Variants in RCAN2 observed in about 807,000 individuals in gnomAD.
The protein encoded by RCAN2 is regulator of calcineurin 2.
RCAN2 carries 9 observed loss-of-function variants against 23.6 expected under a neutral mutation model. That is an observed-to-expected ratio of 0.38 (90% confidence interval 0.23 to 0.67). The LOEUF is 0.67. Ranked by LOEUF, RCAN2 falls within the 30% of genes least tolerant of loss-of-function variation. The pLI is 0.51. For missense variants in RCAN2, 273 were observed against 302.3 expected, an observed-to-expected ratio of 0.90 and a Z score of 0.72; for synonymous variants, 109 against 115.7, an observed-to-expected ratio of 0.94 and a Z score of 0.37.
chr6:46,316,578 T>C (rs1206589403), intron 2 of RCAN2, among the ~76,000 whole-genome samples: 1 of 152,220 alleles, frequency 6.6e-6, no homozygotes, highest in Non-Finnish European at 1.5e-5. Context: ...CAGCACTACA[T>C]AGGCTTTTGT....
chr6:46,455,681 C>T (rs1767998747), intron 2 of RCAN2, among the ~76,000 whole-genome samples: 1 of 151,598 alleles, frequency 6.6e-6, no homozygotes, highest in Admixed American at 6.6e-5. Context: ...ACAGTGAAAC[C>T]CCATCTCTAC....
chr6:46,366,566 G>A lies in RCAN2; in HGVS notation c.225+90186C>T, dbSNP rs189202811. On this transcript the variant is annotated intron_variant, in intron 2 of 4. Transcript: ENST00000371374. ...GTTCTTCTCTGCATTGACCTGTTTA[G>A]CAAGAATTCTGCTAAGTTGGTTTTT... 1.7e-3 allele frequency among the ~76,000 whole-genome samples: 253 copies of A among 152,112 alleles called. 6 individuals carry two copies. The highest frequency in any genetic ancestry group is 0.016 in the Admixed American group (250 of 15,270).
intron 2 of RCAN2, among the ~76,000 whole-genome samples, chr6:46,445,405 G>A (rs747526535): frequency 3.6e-4 from 55 of 152,186 alleles, no homozygotes; most frequent in Non-Finnish European, 7.3e-4. Context: ...TGCCAGACCA[G>A]CTGCTGAGAA....
intron 2 of RCAN2, among the ~76,000 whole-genome samples, chr6:46,425,551 T>C (rs994966614): frequency 6.6e-6 from 1 of 152,180 alleles, no homozygotes; most frequent in African/African-American, 2.4e-5. Context: ...GATGTAAGAA[T>C]TTTTTTAAAA....
chr6:46,343,769 A>G (rs1764404548), intron 2 of RCAN2, among the ~76,000 whole-genome samples: 1 of 152,232 alleles, frequency 6.6e-6, no homozygotes. Flanking sequence ...AGAAAAAACA[A>G]AGACATATGT....
chr6:46,331,964 A>G (rs1463347820), intron 2 of RCAN2, among the ~76,000 whole-genome samples: 1 of 152,208 alleles, frequency 6.6e-6, no homozygotes, highest in African/African-American at 2.4e-5. Flanking sequence ...TTGGAATCAC[A>G]ATATTAATGC....
At chr6:46,390,609 A>T (rs905374642) in intron 2 of RCAN2, among the ~76,000 whole-genome samples, 4 of 152,224 alleles carry the variant, frequency 2.6e-5, no homozygotes, top group African/African-American at 9.6e-5. Flanking sequence ...AACATCTGTG[A>T]TTACCACAAA....
intron 2 of RCAN2, among the ~76,000 whole-genome samples, chr6:46,304,178 C>A (rs1762994123): frequency 6.6e-6 from 1 of 152,090 alleles, no homozygotes; most frequent in South Asian, 2.1e-4. Context: ...CTTTAATTTG[C>A]ATTTCCCTGA....
At chr6:46,314,430 T>A (rs370762263) in intron 2 of RCAN2, among the ~76,000 whole-genome samples, 2 of 150,220 alleles carry the variant, frequency 1.3e-5, no homozygotes, top group Non-Finnish European at 3.0e-5. Context: ...ATGATATAAG[T>A]TTATAAGCAG....
intron 3 of RCAN2, among the ~76,000 whole-genome samples, chr6:46,247,483 C>T (rs1039944695): frequency 6.6e-6 from 1 of 152,214 alleles, no homozygotes; most frequent in Non-Finnish European, 1.5e-5. Context: ...GCTACCAGTA[C>T]TACCATTACC....
At chr6:46,326,458 T>C (rs1229219336) in intron 2 of RCAN2, among the ~76,000 whole-genome samples, 1 of 152,200 alleles carries the variant, frequency 6.6e-6, no homozygotes, top group Non-Finnish European at 1.5e-5. Flanking sequence ...CAGGCTTTTT[T>C]CCTGATTATA....
chr6:46,262,110 G>T (rs534731336), intron 2 of RCAN2, among the ~76,000 whole-genome samples: 1 of 152,166 alleles, frequency 6.6e-6, no homozygotes, highest in African/African-American at 2.4e-5. Context: ...TTGTTTTGCT[G>T]AGATTTCCAA....
intron 2 of RCAN2, among the ~76,000 whole-genome samples, chr6:46,342,477 A>G (rs1764353524): frequency 6.6e-6 from 1 of 151,322 alleles, no homozygotes; most frequent in South Asian, 2.1e-4. Flanking sequence ...ACTTGAATCC[A>G]GTAGTCCAAG....
intron 2 of RCAN2, among the ~76,000 whole-genome samples, chr6:46,275,431 T>C (rs1442034928): frequency 1.3e-5 from 2 of 152,210 alleles, no homozygotes; most frequent in Non-Finnish European, 2.9e-5. Context: ...GCAATCACAA[T>C]GCAAAACAGT....
intron 2 of RCAN2, among the ~76,000 whole-genome samples, chr6:46,338,256 G>C (rs1315728322): frequency 6.6e-6 from 1 of 152,176 alleles, no homozygotes; most frequent in Non-Finnish European, 1.5e-5. Context: ...CAGCCAAAAT[G>C]ATACAGAAAC....
rs558838182 is a variant in RCAN2 at position 46,387,569 on chromosome 6, G to T, written c.225+69183C>A. On this transcript the variant is annotated intron_variant, in intron 2 of 4. Coordinates refer to ENST00000371374, the MANE Select transcript of RCAN2 (RefSeq NM_001251974.2). ...CACAATGAGATACCATCTCACACCA[G>T]TTAGAATGGTGATCATTAAAAAGTC... 2.6e-5 allele frequency among the ~76,000 whole-genome samples: 4 copies of T among 152,286 alleles called. No homozygotes were observed. The East Asian group carries it at 5.8e-4, about 22-fold the overall frequency.
upstream of RCAN2, among the ~76,000 whole-genome samples, chr6:46,491,627 TC>T (rs1326846348): frequency 6.6e-6 from 1 of 151,488 alleles, no homozygotes; most frequent in Non-Finnish European, 1.5e-5. Flanking sequence ...CCACCGCACC[TC>T]CGGGGCTCTC....
chr6:46,452,763 A>G (rs918743219), intron 2 of RCAN2, among the ~76,000 whole-genome samples: 3 of 152,198 alleles, frequency 2.0e-5, no homozygotes, highest in East Asian at 1.9e-4. Flanking sequence ...CAAATGCTAT[A>G]TAGGTATTTG....
chr6:46,491,453 G>C (rs1484880999), upstream of RCAN2: 2 of 152,298 alleles, frequency 1.3e-5, no homozygotes, highest in Non-Finnish European at 2.9e-5. Flanking sequence ...CGGCTCCAGG[G>C]AGGGGCTGAG....
Sources: gnomAD v4.1 joint callset for allele counts (sites outside exome capture counted in the v4.1 genomes callset) on GRCh38, gnomAD v4.1.1 for gene constraint, MANE v1.5 for transcripts, NCBI Gene and HGNC (gene_info 2026-07-23, HGNC 2026-07-21) for gene names.